The following EPB41L5 variants were observed in gnomAD, a reference collection of about 807,000 sequenced individuals.
The protein encoded by EPB41L5 is erythrocyte membrane protein band 4.1 like 5, also known as band 4.1-like protein 5.
Under a neutral mutation model 106.6 loss-of-function variants are expected in EPB41L5, and 55 were observed. That is an observed-to-expected ratio of 0.52 (90% confidence interval 0.42 to 0.65). The LOEUF (loss-of-function observed/expected upper bound fraction) is 0.65, where lower values mean the gene tolerates loss of function less well. Among genes scored for constraint, EPB41L5 ranks in the 30% least tolerant of loss-of-function variants. The probability of loss-of-function intolerance (pLI) is 0.00; values close to 1 mark genes in which losing one functional copy is unlikely to be tolerated. For synonymous variants in EPB41L5, 297 were observed against 306.7 expected (o/e 0.97, Z 0.33); for missense variants, 871 against 882.1 (o/e 0.99, Z 0.16).
At chr2:120,085,614 G>A (rs1372552068) in intron 10 of EPB41L5, among the ~76,000 whole-genome samples, 1 of 152,212 alleles carries the variant, frequency 6.6e-6, no homozygotes, top group Non-Finnish European at 1.5e-5. Context: ...CGTGCTGAGA[G>A]AACCACTGCT....
At chr2:120,050,294 G>T (rs1312004026) in intron 3 of EPB41L5, among the ~76,000 whole-genome samples, 1 of 152,082 alleles carries the variant, frequency 6.6e-6, no homozygotes, top group Non-Finnish European at 1.5e-5. Context: ...TTCACTTTCA[G>T]GTACACCAAT....
chr2:120,149,379 A>G (rs1458647751), intron 20 of EPB41L5, among the ~76,000 whole-genome samples: 1 of 152,072 alleles, frequency 6.6e-6, no homozygotes, highest in East Asian at 1.9e-4. Flanking sequence ...CTGTAACCCC[A>G]TCTACCCTGC....
intron 3 of EPB41L5, among the ~76,000 whole-genome samples, chr2:120,056,700 A>G (rs1399910041): frequency 1.4e-5 from 2 of 147,300 alleles, no homozygotes; most frequent in African/African-American, 5.0e-5. Context: ...GTTTGGGTGT[A>G]ATGCTGGTCT....
intron 2 of EPB41L5, among the ~76,000 whole-genome samples, chr2:120,034,927 C>G (rs1678947440): frequency 6.6e-6 from 1 of 152,124 alleles, no homozygotes; most frequent in Admixed American, 6.5e-5. Context: ...TGTTTAAAAC[C>G]AGTAGTTTTC....
Position 120,091,578 on chromosome 2 carries a change from C to G in EPB41L5, c.1067C>G (p.Thr356Arg). The G allele has an allele frequency of 6.2e-7, 1 of 1,613,656 alleles. No individual in the cohort carries two copies. The highest frequency in any genetic ancestry group is 1.1e-5 in the South Asian group (1 of 91,054). ...RYSGKTEYQT[T>R]KTNKARRSTS... ...AGTGGGAAAACAGAGTATCAGACCACAAAAACCAATAAAGCAAGAAGATCA... is the reference window on the plus strand; with the variant it reads ...AGTGGGAAAACAGAGTATCAGACCAGAAAAACCAATAAAGCAAGAAGATCA... Residue 356 changes from threonine to arginine, a missense_variant, in exon 13 of 25, where the codon ACA (threonine) becomes AGA (arginine). Transcript: ENST00000263713.
intron 1 of EPB41L5, among the ~76,000 whole-genome samples, chr2:120,015,041 A>G (rs1677419297): frequency 6.6e-6 from 1 of 150,818 alleles, no homozygotes; most frequent in Admixed American, 6.6e-5. Flanking sequence ...AAAAAAAATT[A>G]GGCCAGGCGC....
At chr2:120,105,084 A>G in intron 16 of EPB41L5, 1 of 980,716 alleles carries the variant, frequency 1.0e-6, no homozygotes. Context: ...ATCCTGTATA[A>G]CCTTTAAAAT....
At chr2:120,046,709 G>T (rs1679804194) in intron 3 of EPB41L5, among the ~76,000 whole-genome samples, 1 of 152,050 alleles carries the variant, frequency 6.6e-6, no homozygotes, top group Non-Finnish European at 1.5e-5. Context: ...ATTGCTTTTG[G>T]TGTTTTAGAC....
chr2:120,072,711 A>C (rs544269234), intron 3 of EPB41L5, among the ~76,000 whole-genome samples: 1 of 152,268 alleles, frequency 6.6e-6, no homozygotes, highest in East Asian at 1.9e-4. Flanking sequence ...GTTCTTCCTC[A>C]TAAGTGGGAG....
chr2:120,104,457 G>T, intron 16 of EPB41L5: 1 of 1,304,704 alleles, frequency 7.7e-7, no homozygotes, highest in Middle Eastern at 2.9e-4. Flanking sequence ...TGTTTGTGTT[G>T]AAAAGAGTGT....
At chr2:120,124,865 T>A (rs1343397941) in intron 16 of EPB41L5, among the ~76,000 whole-genome samples, 2 of 152,208 alleles carry the variant, frequency 1.3e-5, no homozygotes, top group Admixed American at 1.3e-4. Flanking sequence ...GTGTGATTGT[T>A]TTTTCGTGAT....
intron 18 of EPB41L5, among the ~76,000 whole-genome samples, chr2:120,139,818 T>C (rs1283995994): frequency 6.6e-6 from 1 of 151,982 alleles, no homozygotes; most frequent in Non-Finnish European, 1.5e-5. Context: ...TGCTAGATAA[T>C]ATGCCCAAAA....
At chr2:120,060,775 C>G (rs1324810277) in intron 3 of EPB41L5, among the ~76,000 whole-genome samples, 1 of 152,102 alleles carries the variant, frequency 6.6e-6, no homozygotes, top group Non-Finnish European at 1.5e-5. Context: ...TTTACTGATT[C>G]TAATATTGTA....
chr2:120,131,321 C>T (rs1046780359), intron 17 of EPB41L5, among the ~76,000 whole-genome samples: 1 of 152,148 alleles, frequency 6.6e-6, no homozygotes, highest in Non-Finnish European at 1.5e-5. Context: ...CCTTTTGGGT[C>T]TCTTGGCTAG....
chr2:120,095,986 ATATTACT>A (rs1208583837), intron 14 of EPB41L5, among the ~76,000 whole-genome samples: 1 of 152,038 alleles, frequency 6.6e-6, no homozygotes, highest in Non-Finnish European at 1.5e-5. Flanking sequence ...ATTAATTTTA[ATATTACT>A]TATTACAATG....
intron 11 of EPB41L5, 146 bp from the exon 12 acceptor site, chr2:120,090,201 C>G: frequency 1.9e-6 from 1 of 529,876 alleles, no homozygotes; most frequent in East Asian, 3.3e-5. Context: ...TCAGCTCTGC[C>G]CTTATTATGT....
intron 20 of EPB41L5, among the ~76,000 whole-genome samples, chr2:120,148,516 A>G (rs1686513934): frequency 6.6e-6 from 1 of 151,988 alleles, no homozygotes; most frequent in African/African-American, 2.4e-5. Context: ...CAGTCACTCC[A>G]TATTCTGCTT....
intron 20 of EPB41L5, among the ~76,000 whole-genome samples, chr2:120,156,859 C>G (rs1686924633): frequency 6.6e-6 from 1 of 152,202 alleles, no homozygotes; most frequent in African/African-American, 2.4e-5. Flanking sequence ...CAACAGCCCA[C>G]TGATAGTATT....
At chr2:120,041,132 G>T (rs928341322) in intron 2 of EPB41L5, among the ~76,000 whole-genome samples, 23 of 151,958 alleles carry the variant, frequency 1.5e-4, no homozygotes, top group African/African-American at 5.6e-4. Flanking sequence ...TTATGTTAAC[G>T]TAATATAAAA....
Sources: gnomAD v4.1 joint callset for allele counts (sites outside exome capture counted in the v4.1 genomes callset) on GRCh38, gnomAD v4.1.1 for gene constraint, MANE v1.5 for transcripts, NCBI Gene and HGNC (gene_info 2026-07-23, HGNC 2026-07-21) for gene names.